CMIP: variants seen among roughly 807,000 people sequenced by gnomAD.
CMIP encodes the protein C-Maf-inducing protein.
A neutral mutation model predicts 97.3 loss-of-function variants in CMIP; 13 were observed. That is an observed-to-expected ratio of 0.13 (90% CI 0.09 to 0.21). CMIP has a LOEUF of 0.21. Ranked by LOEUF, CMIP falls within the 10% of genes least tolerant of loss-of-function variation. CMIP has a pLI of 1.00. For synonymous variants in CMIP, 538 were observed against 436.3 expected (o/e 1.23, Z -2.91); for missense variants, 847 against 1,024.9 (o/e 0.83, Z 2.37).
chr16:81,695,499 C>G (rs1055407802), intron 13 of CMIP: 2 of 152,212 alleles, frequency 1.3e-5, no homozygotes, highest in African/African-American at 2.4e-5. Context: ...TCTTGGCAGC[C>G]AATCGTCCTT....
At chr16:81,629,139 A>T (rs1179034069) in intron 3 of CMIP, among the ~76,000 whole-genome samples, 28 of 115,746 alleles carry the variant, frequency 2.4e-4, no homozygotes, top group African/African-American at 1.0e-3. Context: ...GTGCTTAAAA[A>T]AAAAAAAAAA....
chr16:81,642,924 C>T (rs1022528259), intron 3 of CMIP, among the ~76,000 whole-genome samples: 5 of 152,068 alleles, frequency 3.3e-5, no homozygotes, highest in East Asian at 1.9e-4. Context: ...GAAATTGCAG[C>T]GTATCCATGC....
intron 4 of CMIP, among the ~76,000 whole-genome samples, chr16:81,653,907 C>T (rs1380938869): frequency 1.3e-5 from 2 of 152,232 alleles, no homozygotes; most frequent in African/African-American, 4.8e-5. Context: ...AACTCACATT[C>T]TCTCTGAAAG....
chr16:81,513,166 C>T lies in CMIP; in HGVS notation c.300+67625C>T, dbSNP rs78597939. Among the ~76,000 whole-genome samples, 1,088 of 152,302 alleles carry T rather than the reference C, an allele frequency of 7.1e-3. 11 individuals carry two copies. The highest frequency in any genetic ancestry group is 0.024 in the African/African-American group (997 of 41,552). On this transcript the variant is annotated intron_variant, in intron 1 of 20. Coordinates refer to ENST00000537098, the MANE Select transcript of CMIP (RefSeq NM_198390.3). ...CCTCTGGTAAACCTCTGAGTTCTTT[C>T]CTCTTCTTGGTAGGTTGGAAGATTC...
chr16:81,700,248 TGGGGCTCCCCAGCC>T (rs1300297643), intron 15 of CMIP, among the ~76,000 whole-genome samples: 1 of 151,972 alleles, frequency 6.6e-6, no homozygotes, highest in African/African-American at 2.4e-5. Context: ...CTTTGGCGGC[TGGGGCTCCCCAGCC>T]GCACCCTTCA....
chr16:81,566,635 T>C (rs566882767), intron 1 of CMIP, among the ~76,000 whole-genome samples: 24 of 152,354 alleles, frequency 1.6e-4, no homozygotes, highest in African/African-American at 5.3e-4. Flanking sequence ...TAGGACCCAA[T>C]GATTCTACTC....
intron 1 of CMIP, among the ~76,000 whole-genome samples, chr16:81,602,836 T>A (rs62043786): frequency 0.11 from 16,227 of 152,224 alleles, 1,125 homozygotes; most frequent in East Asian, 0.21. Context: ...GACAGGAATC[T>A]CCTCCCCTGG....
intron 1 of CMIP, among the ~76,000 whole-genome samples, chr16:81,565,304 G>C (rs115791246): frequency 1.3e-5 from 2 of 152,200 alleles, no homozygotes; most frequent in African/African-American, 4.8e-5. Flanking sequence ...CTTTCTCCAA[G>C]AAGAGGAGCC....
chr16:81,450,488 T>A (rs1307786716), intron 1 of CMIP, among the ~76,000 whole-genome samples: 1 of 152,174 alleles, frequency 6.6e-6, no homozygotes, highest in Non-Finnish European at 1.5e-5. Context: ...TTGGAGAGGA[T>A]AGATAAGCAC....
chr16:81,571,496 C>T (rs1243386587), intron 1 of CMIP, among the ~76,000 whole-genome samples: 8 of 142,510 alleles, frequency 5.6e-5, no homozygotes, highest in Admixed American at 5.1e-4. Flanking sequence ...CGCAGTGGCT[C>T]ACATCTGTAA....
intron 1 of CMIP, among the ~76,000 whole-genome samples, chr16:81,596,926 C>A (rs139025581): frequency 6.6e-6 from 1 of 152,204 alleles, no homozygotes; most frequent in Non-Finnish European, 1.5e-5. Flanking sequence ...ATGCTTCTGT[C>A]CAGTTGCTTT....
intron 16 of CMIP, among the ~76,000 whole-genome samples, chr16:81,702,164 G>C (rs2151098303): frequency 6.6e-6 from 1 of 152,324 alleles, no homozygotes; most frequent in South Asian, 2.1e-4. Flanking sequence ...TGTGTACACA[G>C]AAGGACGGAA....
At chr16:81,505,399 G>A (rs1039609832) in intron 1 of CMIP, among the ~76,000 whole-genome samples, 1 of 152,202 alleles carries the variant, frequency 6.6e-6, no homozygotes, top group Non-Finnish European at 1.5e-5. Flanking sequence ...CAGACCCCAC[G>A]CCTGGAGAGC....
rs931839480 is a variant in CMIP, at chr16:81,671,872, C to T, written c.930-94C>T. Reference sequence around the variant, plus strand: ...AGTGGCGCTGGCAGAGCGGGCAGCCCCGTGCCTGAGCAACGCCCTCCCTTT... The same window carrying T: ...AGTGGCGCTGGCAGAGCGGGCAGCCTCGTGCCTGAGCAACGCCCTCCCTTT... On this transcript the variant is annotated intron_variant, in intron 8 of 20. Coordinates refer to ENST00000537098, the MANE Select transcript of CMIP (RefSeq NM_198390.3). 8.0e-5 allele frequency: 51 copies of T among 640,756 alleles called. No individual in the cohort carries two copies. In the South Asian group the frequency reaches 9.7e-4, roughly 12 times the overall value. 39.7% of individuals were successfully genotyped at this position (640,756 alleles called of 1,614,324 possible).
intron 3 of CMIP, among the ~76,000 whole-genome samples, chr16:81,628,917 C>T (rs2092112284): frequency 6.6e-6 from 1 of 151,942 alleles, no homozygotes; most frequent in Non-Finnish European, 1.5e-5. Flanking sequence ...GGGAGGATCA[C>T]TTGAGGTCAG....
At chr16:81,462,454 G>A (rs1043151510) in intron 1 of CMIP, among the ~76,000 whole-genome samples, 15 of 152,100 alleles carry the variant, frequency 9.9e-5, no homozygotes, top group Non-Finnish European at 2.2e-4. Flanking sequence ...GGTCAGTGAC[G>A]CTTCCCCAGC....
intron 1 of CMIP, among the ~76,000 whole-genome samples, chr16:81,521,633 G>C (rs1458567095): frequency 6.6e-6 from 1 of 152,176 alleles, no homozygotes; most frequent in African/African-American, 2.4e-5. Flanking sequence ...TCTTCAAAAA[G>C]CCCCTCCCTG....
chr16:81,547,289 G>GA, intron 1 of CMIP, among the ~76,000 whole-genome samples: 1 of 152,220 alleles, frequency 6.6e-6, no homozygotes. Flanking sequence ...TTATGTGGCC[G>GA]AGGGCATGGG....
At position 81,696,659 on chromosome 16, in the gene CMIP, G is replaced by T; in HGVS notation, c.1630G>T (p.Ala544Ser). The T allele has an allele frequency of 6.2e-7, 1 of 1,605,784 alleles. No individual in the cohort carries two copies. The highest frequency in any genetic ancestry group is 8.5e-7 in the Non-Finnish European group (1 of 1,179,688). The change falls in exon 14 of 21, where the codon GCC becomes TCC. Residue 544 changes from alanine (A) to serine (S), a missense_variant. Coordinates refer to ENST00000537098, the MANE Select transcript of CMIP (RefSeq NM_198390.3). ...VACDDDGELF[A>S]SMVHILMGSC... ...CTGCGACGATGACGGGGAGCTGTTC[G>T]CCAGCATGGTACGCAGTGGGACCCC...
Sources: allele counts gnomAD v4.1 joint callset (sites outside exome capture counted in the v4.1 genomes callset), GRCh38; gene constraint gnomAD v4.1.1; transcripts MANE v1.5; gene names NCBI Gene and HGNC (gene_info 2026-07-23, HGNC 2026-07-21).